IL1RAPL2: variants seen among roughly 807,000 people sequenced by gnomAD.
The protein encoded by IL1RAPL2 is interleukin 1 receptor accessory protein like 2, also known as X-linked interleukin-1 receptor accessory protein-like 2.
IL1RAPL2 carries 3 observed loss-of-function variants against 44.1 expected under a neutral mutation model. That is an observed-to-expected ratio of 0.07 (90% CI 0.03 to 0.18). The LOEUF (loss-of-function observed/expected upper bound fraction) is 0.18. Ranked by LOEUF, IL1RAPL2 falls within the 10% of genes least tolerant of loss-of-function variation. The pLI is 1.00. For synonymous variants in IL1RAPL2, 181 were observed against 178.8 expected, an observed-to-expected ratio of 1.01 and a Z score of -0.10; for missense variants, 391 against 496.4, an observed-to-expected ratio of 0.79 and a Z score of 2.02.
At chrX:105,085,282 G>A (rs1267236558) in intron 2 of IL1RAPL2, among the ~76,000 whole-genome samples, 3 of 112,100 alleles carry the variant, frequency 2.7e-5, no homozygotes, top group Non-Finnish European at 5.6e-5. Flanking sequence ...CATCTGATAA[G>A]GGGCTCATAG....
intron 2 of IL1RAPL2, among the ~76,000 whole-genome samples, chrX:104,794,850 G>T (rs1932841741): frequency 8.9e-6 from 1 of 111,851 alleles, no homozygotes; most frequent in Non-Finnish European, 1.9e-5. Context: ...GACTTGAAGT[G>T]AGATGCTTTT....
chrX:105,081,075 G>A (rs978756332), intron 2 of IL1RAPL2, among the ~76,000 whole-genome samples: 5 of 111,560 alleles, frequency 4.5e-5, no homozygotes, highest in African/African-American at 1.6e-4. Context: ...TTTGTATCCT[G>A]GGACTTTGCT....
At chrX:104,823,624 A>G (rs1339344523) in intron 2 of IL1RAPL2, among the ~76,000 whole-genome samples, 2 of 108,683 alleles carry the variant, frequency 1.8e-5, no homozygotes, top group Non-Finnish European at 3.8e-5. Flanking sequence ...CAGTAATGGG[A>G]TGGCTGGGTC....
intron 1 of IL1RAPL2, among the ~76,000 whole-genome samples, chrX:104,635,107 A>T (rs1404468365): frequency 1.8e-5 from 2 of 110,973 alleles, no homozygotes; most frequent in African/African-American, 6.6e-5. Context: ...TATGAAGCTT[A>T]ATTTGGCTGG....
At chrX:104,894,837 G>T (rs867934849) in intron 2 of IL1RAPL2, among the ~76,000 whole-genome samples, 9 of 112,431 alleles carry the variant, frequency 8.0e-5, no homozygotes, top group Middle Eastern at 9.2e-3. Flanking sequence ...AAGGAACTGT[G>T]TTCCTTTGGA....
intron 5 of IL1RAPL2, among the ~76,000 whole-genome samples, chrX:105,274,521 T>C (rs7056995): frequency 0.065 from 7,262 of 111,850 alleles, 567 homozygotes; most frequent in African/African-American, 0.22. Context: ...TTGGTAAAGA[T>C]CAATCAACAC....
chrX:105,546,098 G>C, intron 6 of IL1RAPL2, among the ~76,000 whole-genome samples: 1 of 111,435 alleles, frequency 9.0e-6, no homozygotes, highest in Non-Finnish European at 1.9e-5. Flanking sequence ...TGGCAGAACA[G>C]CTTCCAGTTC....
chrX:105,636,819 G>T (rs2037527212), intron 6 of IL1RAPL2, among the ~76,000 whole-genome samples: 1 of 111,228 alleles, frequency 9.0e-6, no homozygotes, highest in African/African-American at 3.3e-5. Flanking sequence ...CCCAAAGGAG[G>T]TGATATTTGA....
intron 5 of IL1RAPL2, among the ~76,000 whole-genome samples, chrX:105,286,604 A>T (rs1339448976): frequency 1.1e-5 from 1 of 88,393 alleles, no homozygotes; most frequent in South Asian, 4.3e-4. Flanking sequence ...AGAACAAAAC[A>T]GCCTTTTTTT....
intron 5 of IL1RAPL2, among the ~76,000 whole-genome samples, chrX:105,423,955 T>C (rs1220169449): frequency 9.0e-6 from 1 of 110,822 alleles, no homozygotes; most frequent in African/African-American, 3.3e-5. Context: ...GAGGGGGTGC[T>C]CCTAGACCTA....
At chrX:105,220,308 T>C in intron 3 of IL1RAPL2, 1 of 1,210,064 alleles carries the variant, frequency 8.3e-7, no homozygotes, top group Non-Finnish European at 1.1e-6. Flanking sequence ...ACTCGGGGCC[T>C]TTCGTGTGCC....
chrX:104,795,807 A>T lies in IL1RAPL2; in HGVS notation c.82+136812A>T, dbSNP rs1932846733. Among the ~76,000 whole-genome samples, 2 of 112,268 alleles carry T rather than the reference A, an allele frequency of 1.8e-5. 1 individual carries two copies. Among genetic ancestry groups the T allele is most frequent in the Admixed American group, 1.9e-4 (2 of 10,560 alleles). ...GAAACTGTTAAATCCTTGACTTTCC[A>T]GACACAAGGATGTCATCTTCAGGAT... On this transcript the variant is annotated intron_variant, in intron 2 of 10. Transcript: ENST00000372582.
In IL1RAPL2 at chrX:105,397,126, A is replaced by G. The variant is rs757071853; in HGVS notation, c.698-87187A>G. 9.9e-5 allele frequency among the ~76,000 whole-genome samples: 11 copies of G among 111,246 alleles called. No individual in the cohort carries two copies. In the East Asian group the frequency reaches 3.1e-3, roughly 32 times the overall value. On this transcript the variant is annotated intron_variant, in intron 5 of 10. Transcript: ENST00000372582. ...TGTCACTGTCTCCCATCACCCCCAGATGGGACCATCTACTTGCAGGAAAAT... is the reference window on the plus strand; with the variant it reads ...TGTCACTGTCTCCCATCACCCCCAGGTGGGACCATCTACTTGCAGGAAAAT...
chrX:105,722,889 C>T (rs143251108), intron 7 of IL1RAPL2, among the ~76,000 whole-genome samples: 3 of 110,880 alleles, frequency 2.7e-5, no homozygotes, highest in Non-Finnish European at 5.7e-5. Context: ...TTCTATCGTC[C>T]TAATGAATAC....
At chrX:104,674,787 T>C (rs1476773377) in intron 2 of IL1RAPL2, among the ~76,000 whole-genome samples, 8 of 111,229 alleles carry the variant, frequency 7.2e-5, no homozygotes, top group African/African-American at 2.6e-4. Flanking sequence ...CTGTTATTGG[T>C]CTATTCAGAG....
intron 2 of IL1RAPL2, among the ~76,000 whole-genome samples, chrX:104,785,702 T>G (rs1202671531): frequency 8.9e-6 from 1 of 112,097 alleles, no homozygotes; most frequent in African/African-American, 3.2e-5. Flanking sequence ...CAGTTCTACC[T>G]TGTTGCAGCT....
chrX:104,880,073 C>T (rs1344600654), intron 2 of IL1RAPL2, among the ~76,000 whole-genome samples: 1 of 84,341 alleles, frequency 1.2e-5, no homozygotes, highest in Non-Finnish European at 2.6e-5. Flanking sequence ...ATCTGTTTTG[C>T]AATTTTTTTT....
chrX:104,691,704 A>G (rs1237840092), intron 2 of IL1RAPL2, among the ~76,000 whole-genome samples: 2 of 112,087 alleles, frequency 1.8e-5, no homozygotes, highest in Non-Finnish European at 3.8e-5. Flanking sequence ...GTCTCTAGAA[A>G]GGAATTAGTT....
chrX:104,902,046 T>A (rs1923833593), intron 2 of IL1RAPL2, among the ~76,000 whole-genome samples: 1 of 112,276 alleles, frequency 8.9e-6, no homozygotes, highest in Non-Finnish European at 1.9e-5. Flanking sequence ...TAAAAACAGT[T>A]ATTAGCTGTT....
Sources: allele counts gnomAD v4.1 joint callset (sites outside exome capture counted in the v4.1 genomes callset), GRCh38; gene constraint gnomAD v4.1.1; transcripts MANE v1.5; gene names NCBI Gene and HGNC (gene_info 2026-07-23, HGNC 2026-07-21).